The following ARL6IP5 variants were observed in gnomAD, a reference collection of about 807,000 sequenced individuals.
The protein encoded by ARL6IP5 is ARF like GTPase 6 interacting protein 5.
A neutral mutation model predicts 13.0 loss-of-function variants in ARL6IP5; 6 were observed. The observed-to-expected ratio is 0.46, with a 90% confidence interval of 0.25 to 0.91. The LOEUF is 0.91. Among genes scored for constraint, ARL6IP5 ranks in the 40% least tolerant of loss-of-function variants. The probability of loss-of-function intolerance (pLI) is 0.17; values close to 1 mark genes in which losing one functional copy is unlikely to be tolerated. For missense variants in ARL6IP5, 208 were observed against 248.8 expected, an observed-to-expected ratio of 0.84 and a Z score of 1.10; for synonymous variants, 91 against 91.9, an observed-to-expected ratio of 0.99 and a Z score of 0.06.
intron 1 of ARL6IP5, among the ~76,000 whole-genome samples, chr3:69,087,709 A>C (rs2092252674): frequency 6.6e-6 from 1 of 152,232 alleles, no homozygotes; most frequent in East Asian, 1.9e-4. Flanking sequence ...GTTGGTTGTC[A>C]ATGAAAATTT....
chr3:69,096,226 G>A (rs964302091), intron 1 of ARL6IP5, among the ~76,000 whole-genome samples: 4 of 152,174 alleles, frequency 2.6e-5, no homozygotes, highest in African/African-American at 9.7e-5. Context: ...ACTAAAACCA[G>A]TTCTATAGAA....
At chr3:69,092,742 A>G (rs1023144207) in intron 1 of ARL6IP5, among the ~76,000 whole-genome samples, 2 of 151,144 alleles carry the variant, frequency 1.3e-5, no homozygotes, top group Admixed American at 1.3e-4. Flanking sequence ...CTGGTGTCGA[A>G]CTCCTAGCCT....
chr3:69,105,572 T>G lies in ARL6IP5; in HGVS notation c.*936T>G, dbSNP rs965777123. 1 of 152,208 alleles carries G rather than the reference T, an allele frequency of 6.6e-6. No homozygotes were observed. Among genetic ancestry groups the G allele is most frequent in the Non-Finnish European group, 1.5e-5 (1 of 68,026 alleles). 9.4% of individuals were successfully genotyped at this position (152,208 alleles called of 1,614,324 possible). A position where few individuals can be genotyped will look rare whatever the true frequency, so the allele number is the denominator to read the frequency against. On this transcript the variant is annotated 3_prime_UTR_variant, in exon 3 of 3. Transcript: ENST00000273258. ...ACAATAATAGCTGATCTTTTGAAAT[T>G]TGAAAAACGTCTTTAGATGACCAAG...
chr3:69,105,173 AG>A lies in ARL6IP5; in HGVS notation c.*538del. 3.0e-6 allele frequency: 1 copy of A among 328,866 alleles called. No individual in the cohort carries two copies. Among genetic ancestry groups the A allele is most frequent in the South Asian group, 5.8e-5 (1 of 17,360 alleles). 20.4% of individuals were successfully genotyped at this position (328,866 alleles called of 1,614,324 possible). A position where few individuals can be genotyped will look rare whatever the true frequency, so the allele number is the denominator to read the frequency against. ...TTTGATGTGCAGTGGAAACTGGTTA[AG>A]CCAGTTGTTCATACTTCCTTTACAA... On this transcript the variant is annotated 3_prime_UTR_variant, in exon 3 of 3. Transcript: ENST00000273258.
chr3:69,102,616 G>T (rs939422037), intron 2 of ARL6IP5, among the ~76,000 whole-genome samples: 10 of 152,176 alleles, frequency 6.6e-5, no homozygotes, highest in African/African-American at 2.4e-4. Flanking sequence ...ACAAATCCCA[G>T]GTCATACAGC....
chr3:69,093,982 C>T (rs2092278632), intron 1 of ARL6IP5, among the ~76,000 whole-genome samples: 1 of 152,106 alleles, frequency 6.6e-6, no homozygotes, highest in Non-Finnish European at 1.5e-5. Context: ...GCATATGGAG[C>T]TGTGCTCTGG....
intron 1 of ARL6IP5, among the ~76,000 whole-genome samples, chr3:69,092,436 G>A (rs1034876994): frequency 3.9e-5 from 6 of 152,144 alleles, no homozygotes; most frequent in African/African-American, 1.2e-4. Flanking sequence ...CCACAGCTCT[G>A]TAAGAATTTG....
intron 1 of ARL6IP5, among the ~76,000 whole-genome samples, chr3:69,099,630 A>C (rs1466411630): frequency 6.6e-6 from 1 of 152,240 alleles, no homozygotes; most frequent in Non-Finnish European, 1.5e-5. Flanking sequence ...ACGAATCCCA[A>C]TATGAGCATG....
At chr3:69,092,819 CTT>C (rs201632976) in intron 1 of ARL6IP5, among the ~76,000 whole-genome samples, 38 of 139,706 alleles carry the variant, frequency 2.7e-4, no homozygotes, top group East Asian at 4.1e-4. Flanking sequence ...TGTACCCAGC[CTT>C]TTTTTTTTTT....
At position 69,105,891 on chromosome 3, in the gene ARL6IP5, CTG is replaced by C. The variant is rs1258166616; in HGVS notation, c.*1257_*1258del. 1 of 152,144 alleles carries C rather than the reference CTG, an allele frequency of 6.6e-6. No homozygotes were observed. The highest frequency in any genetic ancestry group is 1.9e-4 in the East Asian group (1 of 5,188). The allele number at this position is 152,144 out of a possible 1,614,324, so 9.4% of individuals were successfully genotyped here. ...GAGTGGTACTTACTGAAGAAACTCT[CTG>C]TATGTCCTAGAATAAGAAGCAATGA... On this transcript the variant is annotated 3_prime_UTR_variant, in exon 3 of 3. Coordinates refer to ENST00000273258, the MANE Select transcript of ARL6IP5 (RefSeq NM_006407.4).
intron 1 of ARL6IP5, chr3:69,089,791 C>T: frequency 8.8e-6 from 4 of 456,670 alleles, no homozygotes; most frequent in Non-Finnish European, 1.3e-5. Flanking sequence ...TATGTATATA[C>T]ATTTGTGCCT....
intron 1 of ARL6IP5, among the ~76,000 whole-genome samples, chr3:69,094,611 C>T (rs1292343652): frequency 2.0e-5 from 3 of 152,022 alleles, no homozygotes; most frequent in East Asian, 3.9e-4. Flanking sequence ...ATAGCTTTTT[C>T]GGCTAGAAAA....
At chr3:69,098,975 G>A (rs570085998) in intron 1 of ARL6IP5, among the ~76,000 whole-genome samples, 1 of 152,194 alleles carries the variant, frequency 6.6e-6, no homozygotes, top group East Asian at 1.9e-4. Flanking sequence ...ACTATATTCT[G>A]AGGAGGGGAT....
At chr3:69,085,975 A>G (rs1205573507) in intron 1 of ARL6IP5, among the ~76,000 whole-genome samples, 1 of 152,174 alleles carries the variant, frequency 6.6e-6, no homozygotes, top group Non-Finnish European at 1.5e-5. Flanking sequence ...CCTAGAAACC[A>G]CCTTTCCTTC....
At chr3:69,093,171 T>C (rs1194700731) in intron 1 of ARL6IP5, among the ~76,000 whole-genome samples, 2 of 152,324 alleles carry the variant, frequency 1.3e-5, no homozygotes, top group East Asian at 3.9e-4. Flanking sequence ...TGGAGGTTCC[T>C]AAGGCATGTC....
At chr3:69,099,051 G>T (rs1022127420) in intron 1 of ARL6IP5, among the ~76,000 whole-genome samples, 5 of 148,610 alleles carry the variant, frequency 3.4e-5, no homozygotes, top group Non-Finnish European at 5.9e-5. Flanking sequence ...TATTATTGTA[G>T]AGTTTAGTTT....
At chr3:69,102,448 C>T (rs1003536241) in intron 2 of ARL6IP5, among the ~76,000 whole-genome samples, 6 of 152,028 alleles carry the variant, frequency 3.9e-5, no homozygotes, top group East Asian at 3.9e-4. Context: ...GGGTAGAGAC[C>T]GGGGTTTTAC....
intron 1 of ARL6IP5, among the ~76,000 whole-genome samples, chr3:69,087,761 T>A (rs2092252789): frequency 6.6e-6 from 1 of 151,118 alleles, no homozygotes; most frequent in African/African-American, 2.4e-5. Flanking sequence ...TTTTTAAAAC[T>A]TATCCTTATT....
chr3:69,090,919 G>C (rs950849920), intron 1 of ARL6IP5, among the ~76,000 whole-genome samples: 1 of 152,240 alleles, frequency 6.6e-6, no homozygotes, highest in African/African-American at 2.4e-5. Flanking sequence ...TATCTAGGCT[G>C]GACATGATGG....
Sources: gnomAD v4.1 joint callset for allele counts (sites outside exome capture counted in the v4.1 genomes callset) on GRCh38, gnomAD v4.1.1 for gene constraint, MANE v1.5 for transcripts, NCBI Gene and HGNC (gene_info 2026-07-23, HGNC 2026-07-21) for gene names.